Variants in SERPING1 observed in about 807,000 individuals in gnomAD.
SERPING1 encodes the protein serpin family G member 1.
In SERPING1, 5 loss-of-function variants were observed where a neutral mutation model predicts 34.1. That is an observed-to-expected ratio of 0.15 (90% CI 0.08 to 0.31). The LOEUF (loss-of-function observed/expected upper bound fraction) is 0.31. SERPING1 is among the 10% of genes least tolerant of loss of function. SERPING1 has a pLI of 1.00. For missense variants in SERPING1, 505 were observed against 609.5 expected (o/e 0.83, Z 1.81); for synonymous variants, 225 against 242.4 (o/e 0.93, Z 0.67).
intron 6 of SERPING1, among the ~76,000 whole-genome samples, chr11:57,610,393 T>C (rs1433874773): frequency 3.3e-5 from 5 of 152,198 alleles, no homozygotes; most frequent in Non-Finnish European, 5.9e-5. Flanking sequence ...GGTTCATACA[T>C]AGGACTTGAA....
At chr11:57,606,944 T>C in intron 6 of SERPING1, 1 of 410,064 alleles carries the variant, frequency 2.4e-6, no homozygotes, top group South Asian at 2.0e-5. Flanking sequence ...AGTATATCCT[T>C]GTATATGCAT....
At chr11:57,601,016 T>G (rs1460052353) in intron 3 of SERPING1, among the ~76,000 whole-genome samples, 1 of 152,060 alleles carries the variant, frequency 6.6e-6, no homozygotes, top group Non-Finnish European at 1.5e-5. Context: ...CTTCTAGCTC[T>G]GTGACCTTGG....
intron 4 of SERPING1, 90 bp downstream of exon 4, chr11:57,602,259 G>C (rs1945356800): frequency 6.8e-7 from 1 of 1,469,432 alleles, no homozygotes; most frequent in African/African-American, 1.4e-5. Flanking sequence ...AAAGGACAGA[G>C]GGAATGTTGG....
chr11:57,598,395 CT>C (rs1945312192), intron 2 of SERPING1, 74 bp downstream of exon 2: 8 of 1,446,668 alleles, frequency 5.5e-6, no homozygotes, highest in Non-Finnish European at 7.5e-6. Context: ...CGGGCGGTGG[CT>C]GAGGATTAAC....
intron 4 of SERPING1, among the ~76,000 whole-genome samples, chr11:57,603,064 C>T (rs1945368980): frequency 6.6e-6 from 1 of 151,802 alleles, no homozygotes; most frequent in Non-Finnish European, 1.5e-5. Context: ...AAAACCCTGT[C>T]TCTATTAAAA....
At chr11:57,605,937 C>T (rs549899449) in intron 4 of SERPING1, 73 bp from the exon 5 acceptor site, 2 of 1,332,444 alleles carry the variant, frequency 1.5e-6, no homozygotes, top group African/African-American at 1.4e-5. Context: ...AAAGCATGCT[C>T]ACTCTCAAAT....
intron 3 of SERPING1, among the ~76,000 whole-genome samples, chr11:57,601,401 C>CAAAA (rs34815456): frequency 7.0e-6 from 1 of 143,356 alleles, no homozygotes; most frequent in Non-Finnish European, 1.5e-5. Context: ...GACTCTGTCT[C>CAAAA]AAAAAAAAAA....
At position 57,602,912 on chromosome 11, in the gene SERPING1, G is replaced by A. The variant is rs1446252966; in HGVS notation, c.685+743G>A. Among the ~76,000 whole-genome samples the A allele has an allele frequency of 4.1e-5, 6 of 148,088 alleles. 1 individual carries two copies. Among genetic ancestry groups the A allele is most frequent in the Admixed American group, 2.0e-4 (3 of 14,658 alleles). The stretch of plus-strand genomic sequence containing the variant: ...TCAAGACCAGCCTGGGCAGCATGGC[G>A]AAACCTGTCTCCATTAAAAAAAAAA... On this transcript the variant is annotated intron_variant, in intron 4 of 7. Coordinates refer to ENST00000278407, the MANE Select transcript of SERPING1 (RefSeq NM_000062.3).
chr11:57,605,549 C>G (rs776923805), intron 4 of SERPING1: 16 of 191,450 alleles, frequency 8.4e-5, no homozygotes, highest in Non-Finnish European at 1.6e-4. Flanking sequence ...TATCTTTAAT[C>G]TACTTAGTCC....
chr11:57,610,885 C>T (rs1945469839), intron 6 of SERPING1, among the ~76,000 whole-genome samples: 2 of 152,148 alleles, frequency 1.3e-5, no homozygotes, highest in Non-Finnish European at 1.5e-5. Context: ...ACCCAGGGGC[C>T]CTGCACTTCT....
At chr11:57,609,622 A>G (rs913885905) in intron 6 of SERPING1, among the ~76,000 whole-genome samples, 3 of 152,160 alleles carry the variant, frequency 2.0e-5, no homozygotes, top group Admixed American at 2.0e-4. Flanking sequence ...AAACACTCTC[A>G]TTTGTTCTTG....
Position 57,602,089 on chromosome 11 carries a change from A to G in SERPING1, c.605A>G (p.Asp202Gly). ...NLESILSYPK[D>G]FTCVHQALKG... is the part of the protein sequence containing the mutation. Reference sequence around the variant, plus strand: ...GAGAGCATCCTCTCTTACCCCAAGGACTTCACCTGTGTCCACCAGGCCCTG... The same window carrying G: ...GAGAGCATCCTCTCTTACCCCAAGGGCTTCACCTGTGTCCACCAGGCCCTG... The change falls in exon 4 of 8, where the codon GAC (aspartate) becomes GGC (glycine). Residue 202 changes from aspartate (D) to glycine (G), a missense_variant. Physicochemically the swap from Asp to Gly is moderately conservative, Grantham distance 94. Coordinates refer to ENST00000278407, the MANE Select transcript of SERPING1 (RefSeq NM_000062.3). 1 of 1,614,120 alleles carries G rather than the reference A, an allele frequency of 6.2e-7. No homozygotes were observed. The highest frequency in any genetic ancestry group is 1.1e-5 in the South Asian group (1 of 91,074).
rs967804221 is a variant in SERPING1 at position 57,614,822 on chromosome 11, C to G, written c.*241C>G. On this transcript the variant is annotated 3_prime_UTR_variant, in exon 8 of 8. Transcript: ENST00000278407. Reference sequence around the variant, plus strand: ...TTCTCTAGTTCAAGTTCACCAGACTCTATAAATAAAACCTGACAGACCATG... The same window carrying G: ...TTCTCTAGTTCAAGTTCACCAGACTGTATAAATAAAACCTGACAGACCATG... The G allele has an allele frequency of 6.4e-5, 34 of 527,868 alleles. No homozygotes were observed. The highest frequency in any genetic ancestry group is 5.5e-4 in the African/African-American group (29 of 52,744). 32.7% of individuals were successfully genotyped at this position (527,868 alleles called of 1,614,324 possible).
chr11:57,601,880 A>AAG (rs1565170231), intron 3 of SERPING1, among the ~76,000 whole-genome samples, 155 bp from the exon 4 acceptor site: 5 of 129,448 alleles, frequency 3.9e-5, no homozygotes, highest in Admixed American at 8.1e-5. Flanking sequence ...AAAAAAAAAA[A>AAG]AGAGAGATTG....
At chr11:57,599,743 A>G in intron 2 of SERPING1, 136 bp from the exon 3 acceptor site, 1 of 1,221,416 alleles carries the variant, frequency 8.2e-7, no homozygotes. Context: ...CAGATTGCTC[A>G]TCTGCCGCAC....
intron 3 of SERPING1, among the ~76,000 whole-genome samples, chr11:57,601,268 G>T (rs1287955579): frequency 6.6e-6 from 1 of 151,838 alleles, no homozygotes; most frequent in African/African-American, 2.4e-5. Context: ...AGGCATGGTG[G>T]TGCACACCTG....
intron 5 of SERPING1, 66 bp downstream of exon 5, chr11:57,606,279 C>G: frequency 6.3e-7 from 1 of 1,599,248 alleles, no homozygotes; most frequent in Admixed American, 1.7e-5. Flanking sequence ...GGCTTCAAAG[C>G]CCACTTAACC....
chr11:57,609,483 G>A lies in SERPING1; in HGVS notation c.1030-2234G>A, dbSNP rs189211274. ...TAATCCCAGATACTTGTGAGGCTGG[G>A]ACAGAAGAATCGCTTGAACCCGGGA... On this transcript the variant is annotated intron_variant, in intron 6 of 7. Coordinates refer to ENST00000278407, the MANE Select transcript of SERPING1 (RefSeq NM_000062.3). Among the ~76,000 whole-genome samples, 153 of 151,992 alleles carry A rather than the reference G, an allele frequency of 1.0e-3. 1 individual carries two copies. Among genetic ancestry groups the A allele is most frequent in the South Asian group, 4.2e-3 (20 of 4,812 alleles).
In SERPING1 at chr11:57,609,287, A is replaced by G. The variant is rs528665375; in HGVS notation, c.1030-2430A>G. 2.0e-5 allele frequency among the ~76,000 whole-genome samples: 3 copies of G among 151,996 alleles called. No individual in the cohort carries two copies. In the South Asian group the frequency reaches 6.2e-4, roughly 32 times the overall value. On this transcript the variant is annotated intron_variant, in intron 6 of 7. Coordinates refer to ENST00000278407, the MANE Select transcript of SERPING1 (RefSeq NM_000062.3). Reference sequence around the variant, plus strand: ...AGCAAGACTCTGTCTCAAAACACAAAAAAAGAATAGGCTGGGTACAGTGGC... The same window carrying G: ...AGCAAGACTCTGTCTCAAAACACAAGAAAAGAATAGGCTGGGTACAGTGGC...
Sources: allele counts gnomAD v4.1 joint callset (sites outside exome capture counted in the v4.1 genomes callset), GRCh38; gene constraint gnomAD v4.1.1; transcripts MANE v1.5; gene names NCBI Gene and HGNC (gene_info 2026-07-23, HGNC 2026-07-21).